Variants in TTC7B observed in about 807,000 individuals in gnomAD.
TTC7B encodes the protein tetratricopeptide repeat domain 7B.
A neutral mutation model predicts 106.8 loss-of-function variants in TTC7B; 28 were observed. That is an observed-to-expected ratio of 0.26 (90% CI 0.19 to 0.36). The LOEUF (loss-of-function observed/expected upper bound fraction) is 0.36. TTC7B is among the 10% of genes least tolerant of loss of function. The pLI is 1.00. For missense variants in TTC7B, 862 were observed against 1,076.4 expected, an observed-to-expected ratio of 0.80 and a Z score of 2.79; for synonymous variants, 405 against 430.6, an observed-to-expected ratio of 0.94 and a Z score of 0.74.
At chr14:90,551,972 C>T (rs778243687) in intron 19 of TTC7B, among the ~76,000 whole-genome samples, 2 of 152,244 alleles carry the variant, frequency 1.3e-5, no homozygotes, top group Non-Finnish European at 2.9e-5. Flanking sequence ...GGCCTGGTCT[C>T]TATGGGGCTC....
At chr14:90,731,055 C>T (rs1889306993) in intron 4 of TTC7B, among the ~76,000 whole-genome samples, 1 of 152,196 alleles carries the variant, frequency 6.6e-6, no homozygotes, top group Non-Finnish European at 1.5e-5. Context: ...ACGCCATTCT[C>T]CTGCCTCAGC....
At chr14:90,764,900 T>G (rs1178805187) in intron 3 of TTC7B, among the ~76,000 whole-genome samples, 2 of 152,082 alleles carry the variant, frequency 1.3e-5, no homozygotes, top group Non-Finnish European at 2.9e-5. Flanking sequence ...AAACTTACAC[T>G]CAGAGTTACC....
At chr14:90,752,992 A>C (rs746578127) in intron 3 of TTC7B, among the ~76,000 whole-genome samples, 1 of 152,336 alleles carries the variant, frequency 6.6e-6, no homozygotes, top group African/African-American at 2.4e-5. Context: ...TGGGCCTCCT[A>C]TTCTTTGTCT....
At chr14:90,653,258 C>T (rs1489455513) in intron 12 of TTC7B, among the ~76,000 whole-genome samples, 1 of 152,198 alleles carries the variant, frequency 6.6e-6, no homozygotes, top group Non-Finnish European at 1.5e-5. Flanking sequence ...GAACGACAAG[C>T]TCTATGAAGA....
chr14:90,766,139 T>TTG (rs1376053638), intron 3 of TTC7B, among the ~76,000 whole-genome samples: 6 of 151,180 alleles, frequency 4.0e-5, no homozygotes, highest in South Asian at 2.1e-4. Flanking sequence ...TACAACGTTT[T>TTG]TTTTTTTTTT....
At chr14:90,788,941 AAC>A (rs1470646255) in intron 1 of TTC7B, among the ~76,000 whole-genome samples, 4 of 151,816 alleles carry the variant, frequency 2.6e-5, no homozygotes, top group Non-Finnish European at 5.9e-5. Flanking sequence ...CCAGCTTGGC[AAC>A]AGAGTGAGAC....
At position 90,689,595 on chromosome 14, in the gene TTC7B, C is replaced by T; in HGVS notation, c.895G>A (p.Ala299Thr). 8.7e-6 allele frequency: 14 copies of T among 1,614,124 alleles called. No homozygotes were observed. Among genetic ancestry groups the T allele is most frequent in the Non-Finnish European group, 1.1e-5 (13 of 1,180,004 alleles). The change falls in exon 7 of 20, where the codon GCA (alanine) becomes ACA (threonine). Residue 299 changes from alanine (A) to threonine (T), a missense_variant. Coordinates refer to ENST00000328459, the MANE Select transcript of TTC7B (RefSeq NM_001010854.2). The part of the protein sequence containing the change: ...SPLDDPLRKG[A>T]NTKTYTLTRR... ...GTGAGAGTGTAGGTTTTTGTGTTTG[C>T]TCCTTTGCGGAGAGGATCGTCCAGA...
intron 9 of TTC7B, among the ~76,000 whole-genome samples, chr14:90,662,844 T>C (rs138830143): frequency 2.5e-4 from 38 of 152,338 alleles, no homozygotes; most frequent in Non-Finnish European, 5.0e-4. Flanking sequence ...ACACAACAAA[T>C]TGTATCATAC....
intron 5 of TTC7B, among the ~76,000 whole-genome samples, chr14:90,724,450 G>T (rs1889012188): frequency 1.3e-5 from 2 of 152,134 alleles, no homozygotes; most frequent in East Asian, 3.9e-4. Flanking sequence ...GGTAGGGGGT[G>T]ACTGGACCGT....
chr14:90,642,612 A>G (rs958422474), intron 15 of TTC7B: 7 of 152,224 alleles, frequency 4.6e-5, no homozygotes, highest in Admixed American at 3.3e-4. Context: ...TGTACTGGTT[A>G]CTAAGCTACT....
At chr14:90,720,634 C>A (rs1344969251) in intron 5 of TTC7B, among the ~76,000 whole-genome samples, 1 of 152,178 alleles carries the variant, frequency 6.6e-6, no homozygotes, top group African/African-American at 2.4e-5. Flanking sequence ...GGTCTTATAT[C>A]AGCAATTCCC....
At chr14:90,694,894 C>T (rs1281426823) in intron 6 of TTC7B, among the ~76,000 whole-genome samples, 3 of 22,642 alleles carry the variant, frequency 1.3e-4, no homozygotes, top group Middle Eastern at 0.045. Flanking sequence ...ATATTTATAA[C>T]ACATATATGT....
intron 5 of TTC7B, among the ~76,000 whole-genome samples, chr14:90,729,489 T>C (rs538339992): frequency 1.3e-5 from 2 of 152,320 alleles, no homozygotes; most frequent in African/African-American, 4.8e-5. Flanking sequence ...AAGGGATAAC[T>C]GAAGAGATTT....
At chr14:90,699,442 T>G (rs776698591) in intron 5 of TTC7B, 12 of 339,930 alleles carry the variant, frequency 3.5e-5, no homozygotes, top group Non-Finnish European at 6.3e-5. Context: ...TCCCTTTAAC[T>G]TGTCCTTCCA....
At chr14:90,789,650 CT>C (rs35233730) in intron 1 of TTC7B, among the ~76,000 whole-genome samples, 107,566 of 151,870 alleles carry the variant, frequency 0.71, 42,027 homozygotes, top group Non-Finnish European at 0.87. Context: ...AATCCCAGCA[CT>C]TTTAGGAGGC....
At chr14:90,552,437 G>A (rs912068231) in intron 19 of TTC7B, among the ~76,000 whole-genome samples, 1 of 152,208 alleles carries the variant, frequency 6.6e-6, no homozygotes, top group Non-Finnish European at 1.5e-5. Context: ...GCCCATCTAA[G>A]CCTCATACAC....
In TTC7B at chr14:90,556,062, C is replaced by T. The variant is rs573559791; in HGVS notation, c.2311-14473G>A. 1.3e-3 allele frequency among the ~76,000 whole-genome samples: 203 copies of T among 152,356 alleles called. 2 individuals carry two copies. Among genetic ancestry groups the T allele is most frequent in the African/African-American group, 4.7e-3 (195 of 41,584 alleles). The stretch of plus-strand genomic sequence containing the variant: ...GCCAGCGCAAGCACCTCCGGCGCGC[C>T]GCGTGGTGCACTGACCTAATTGAAA... On this transcript the variant is annotated intron_variant, in intron 19 of 19. Transcript: ENST00000328459.
chr14:90,810,909 G>A (rs60438800), intron 1 of TTC7B, among the ~76,000 whole-genome samples: 1,691 of 152,306 alleles, frequency 0.011, 27 homozygotes, highest in African/African-American at 0.039. Flanking sequence ...TAAGCAAGGT[G>A]TGTGGGAGGG....
At chr14:90,724,354 ATGTAGGCCCTG>A (rs1889008588) in intron 5 of TTC7B, among the ~76,000 whole-genome samples, 1 of 152,114 alleles carries the variant, frequency 6.6e-6, no homozygotes, top group Admixed American at 6.5e-5. Flanking sequence ...CCACAACCTA[ATGTAGGCCCTG>A]TGATATGGTT....
Sources: gnomAD v4.1 joint callset for allele counts (sites outside exome capture counted in the v4.1 genomes callset) on GRCh38, gnomAD v4.1.1 for gene constraint, MANE v1.5 for transcripts, NCBI Gene and HGNC (gene_info 2026-07-23, HGNC 2026-07-21) for gene names.